Variants in IGF1R observed in about 807,000 individuals in gnomAD.
IGF1R encodes the protein insulin-like growth factor 1 receptor.
IGF1R carries 44 observed loss-of-function variants against 144.6 expected under a neutral mutation model. The observed-to-expected ratio is 0.30, with a 90% CI of 0.24 to 0.39. The LOEUF (loss-of-function observed/expected upper bound fraction) is 0.39. IGF1R is among the 10% of genes least tolerant of loss of function. The pLI, the probability that IGF1R is intolerant of heterozygous loss-of-function variation, is 1.00. For synonymous variants in IGF1R, 795 were observed against 722.8 expected, an observed-to-expected ratio of 1.10 and a Z score of -1.60; for missense variants, 1,355 against 1,833.7, an observed-to-expected ratio of 0.74 and a Z score of 4.77.
intron 4 of IGF1R, 148 bp downstream of exon 4, chr15:98,897,053 T>C (rs2014235913): frequency 2.8e-6 from 2 of 724,260 alleles, no homozygotes; most frequent in African/African-American, 1.8e-5. Flanking sequence ...CGTCTCTTCT[T>C]TGAGTTTCCC....
chr15:98,881,382 G>A (rs545929420), intron 2 of IGF1R, among the ~76,000 whole-genome samples: 56 of 152,282 alleles, frequency 3.7e-4, no homozygotes, highest in African/African-American at 9.6e-4. Context: ...GCGCAGTGGC[G>A]CGATCTCAGC....
At chr15:98,651,587 G>A (rs2052369491) in intron 1 of IGF1R, among the ~76,000 whole-genome samples, 1 of 152,212 alleles carries the variant, frequency 6.6e-6, no homozygotes, top group Non-Finnish European at 1.5e-5. Context: ...AAAACAGCAG[G>A]GATGGCCTTC....
chr15:98,915,600 G>GT (rs1321393417), intron 8 of IGF1R, among the ~76,000 whole-genome samples: 1 of 152,226 alleles, frequency 6.6e-6, no homozygotes, highest in Admixed American at 6.5e-5. Flanking sequence ...AATTGCCGGA[G>GT]TGCAGCACTG....
intron 1 of IGF1R, among the ~76,000 whole-genome samples, chr15:98,659,222 C>G (rs2052548048): frequency 6.6e-6 from 1 of 152,040 alleles, no homozygotes; most frequent in African/African-American, 2.4e-5. Context: ...TGGCATGTTG[C>G]TTATTAAACA....
chr15:98,850,035 A>G (rs2011475992), intron 2 of IGF1R, among the ~76,000 whole-genome samples: 1 of 152,254 alleles, frequency 6.6e-6, no homozygotes, highest in African/African-American at 2.4e-5. Flanking sequence ...TAGAGGGGGC[A>G]TTTACCCCAT....
At chr15:98,952,806 C>G (rs1220432758) in intron 20 of IGF1R, 1 of 152,188 alleles carries the variant, frequency 6.6e-6, no homozygotes, top group Non-Finnish European at 1.5e-5. Flanking sequence ...CTCTGACATT[C>G]AATGTTTAGT....
At position 98,957,713 on chromosome 15, in the gene IGF1R, CAG is replaced by C. The variant is rs2017062861; in HGVS notation, c.*274_*275del. 3.7e-6 allele frequency: 2 copies of C among 542,990 alleles called. No individual in the cohort carries two copies. The highest frequency in any genetic ancestry group is 6.6e-6 in the Non-Finnish European group (2 of 302,616). The allele number at this position is 542,990 out of a possible 1,614,324, so 33.6% of individuals were successfully genotyped here. On this transcript the variant is annotated 3_prime_UTR_variant, in exon 21 of 21. Coordinates refer to ENST00000650285, the MANE Select transcript of IGF1R (RefSeq NM_000875.5). ...CCTTAATGACAACACTTAATAGCAA[CAG>C]AGCACTTGAGAACCAGTCTCCTCAC...
At chr15:98,840,171 C>T (rs1021053152) in intron 2 of IGF1R, among the ~76,000 whole-genome samples, 2 of 152,158 alleles carry the variant, frequency 1.3e-5, no homozygotes, top group East Asian at 3.9e-4. Context: ...AGGACTGTCA[C>T]GGACTCTCTC....
intron 2 of IGF1R, among the ~76,000 whole-genome samples, chr15:98,858,072 C>T (rs973087436): frequency 4.6e-5 from 7 of 152,084 alleles, no homozygotes; most frequent in African/African-American, 1.2e-4. Context: ...CGGATTCAAG[C>T]GTTAAGGAAA....
At chr15:98,654,218 T>C (rs2052435047) in intron 1 of IGF1R, among the ~76,000 whole-genome samples, 2 of 151,894 alleles carry the variant, frequency 1.3e-5, no homozygotes, top group African/African-American at 4.9e-5. Context: ...GGGATGTCAC[T>C]GTAGACTGTG....
At position 98,699,877 on chromosome 15, in the gene IGF1R, T is replaced by TTTC. The variant is rs539947642; in HGVS notation, c.95-7684_95-7682dup. On this transcript the variant is annotated intron_variant, in intron 1 of 20. Coordinates refer to ENST00000650285, the MANE Select transcript of IGF1R (RefSeq NM_000875.5). The stretch of plus-strand genomic sequence containing the variant: ...CGGTTTCTAATTTCTGTTCTCAGAG[T>TTTC]TTCCTCTGTAATGGAAATCTCTTAC... Among the ~76,000 whole-genome samples the TTTC allele has an allele frequency of 6.2e-4, 95 of 152,146 alleles. No homozygotes were observed. In the South Asian group the frequency reaches 6.4e-3, roughly 10 times the overall value.
chr15:98,885,204 G>A (rs568956200), intron 2 of IGF1R, among the ~76,000 whole-genome samples: 4 of 152,282 alleles, frequency 2.6e-5, no homozygotes, highest in East Asian at 3.9e-4. Flanking sequence ...CTGAGTCCCC[G>A]AACCTGCCAC....
intron 2 of IGF1R, among the ~76,000 whole-genome samples, chr15:98,731,505 C>T (rs989907951): frequency 2.0e-5 from 3 of 152,182 alleles, no homozygotes; most frequent in African/African-American, 4.8e-5. Context: ...AAAGGTGAAT[C>T]GTCGTTGATA....
intron 1 of IGF1R, among the ~76,000 whole-genome samples, chr15:98,651,709 A>AGG (rs1219657351): frequency 6.6e-6 from 1 of 152,028 alleles, no homozygotes; most frequent in Non-Finnish European, 1.5e-5. Flanking sequence ...GGCAGGAGGG[A>AGG]GGGGGTGTTT....
At chr15:98,821,778 G>A (rs373579805) in intron 2 of IGF1R, among the ~76,000 whole-genome samples, 99 of 152,282 alleles carry the variant, frequency 6.5e-4, no homozygotes, top group African/African-American at 2.3e-3. Flanking sequence ...AGTACCTGGG[G>A]CTCAGGAGCC....
chr15:98,711,534 G>A (rs955943883), intron 2 of IGF1R, among the ~76,000 whole-genome samples: 1 of 151,978 alleles, frequency 6.6e-6, no homozygotes, highest in Non-Finnish European at 1.5e-5. Flanking sequence ...ATTTAGGAGT[G>A]GATTTTATAC....
In IGF1R at chr15:98,777,227, C is replaced by T. The variant is rs568754487; in HGVS notation, c.640+69120C>T. 2.9e-4 allele frequency among the ~76,000 whole-genome samples: 44 copies of T among 152,326 alleles called. 1 individual carries two copies. In the South Asian group the frequency reaches 6.6e-3, roughly 23 times the overall value. On this transcript the variant is annotated intron_variant, in intron 2 of 20. Transcript: ENST00000650285. The stretch of plus-strand genomic sequence containing the variant: ...GGCCTTCACTTGGATTTTGCACTTG[C>T]CGCAGTGGAGACATTCCTCGTAGCT...
chr15:98,923,119 C>T (rs2015560474), intron 11 of IGF1R, among the ~76,000 whole-genome samples: 1 of 152,244 alleles, frequency 6.6e-6, no homozygotes, highest in African/African-American at 2.4e-5. Flanking sequence ...CCTCAGTTTC[C>T]TTAGCCCTCC....
chr15:98,796,142 T>TC (rs2056235788), intron 2 of IGF1R, among the ~76,000 whole-genome samples: 1 of 142,444 alleles, frequency 7.0e-6, no homozygotes, highest in Non-Finnish European at 1.5e-5. Context: ...CCAGCAGGTG[T>TC]CACAGGCTGT....
Sources: allele counts gnomAD v4.1 joint callset (sites outside exome capture counted in the v4.1 genomes callset), GRCh38; gene constraint gnomAD v4.1.1; transcripts MANE v1.5; gene names NCBI Gene and HGNC (gene_info 2026-07-23, HGNC 2026-07-21).